Variants in TENM3 observed in about 807,000 individuals in gnomAD.
TENM3 encodes teneurin-3.
Under a neutral mutation model 255.1 loss-of-function variants are expected in TENM3, and 63 were observed. The observed-to-expected ratio is 0.25, with a 90% CI of 0.20 to 0.30. TENM3 has a LOEUF of 0.30. Among genes scored for constraint, TENM3 ranks in the 10% least tolerant of loss-of-function variants. TENM3 has a pLI of 1.00. For missense variants in TENM3, 2,929 were observed against 3,461.1 expected (o/e 0.85, Z 3.86); for synonymous variants, 1,306 against 1,322.3 (o/e 0.99, Z 0.27).
chr4:182,744,690 T>G (rs537886945), intron 19 of TENM3, among the ~76,000 whole-genome samples: 7 of 152,328 alleles, frequency 4.6e-5, no homozygotes, highest in African/African-American at 1.7e-4. Flanking sequence ...GCTTAATTAT[T>G]AGCTTCCCGT....
the TENM3 span, among the ~76,000 whole-genome samples, chr4:182,015,550 T>TTTTATTTATTTATTTA: frequency 4.7e-4 from 71 of 150,102 alleles, 1 homozygote; most frequent in Admixed American, 3.2e-3. Context: ...TGATTTTAAT[T>TTTTATTTATTTATTTA]TTTATTTATT....
chr4:182,784,168 T>C (rs1018871172), intron 24 of TENM3, among the ~76,000 whole-genome samples: 8 of 152,196 alleles, frequency 5.3e-5, no homozygotes, highest in African/African-American at 1.9e-4. Flanking sequence ...TTCTGTTTTT[T>C]CCCCATCTTT....
At chr4:182,529,456 C>T (rs1739554726) in intron 3 of TENM3, among the ~76,000 whole-genome samples, 1 of 152,128 alleles carries the variant, frequency 6.6e-6, no homozygotes, top group Non-Finnish European at 1.5e-5. Context: ...GGCCTTTTCT[C>T]TCTGCTTTGC....
the TENM3 span, among the ~76,000 whole-genome samples, chr4:181,646,296 G>C: frequency 6.6e-6 from 1 of 152,124 alleles, no homozygotes; most frequent in Non-Finnish European, 1.5e-5. Context: ...CTATATGAAG[G>C]ACACAGAAAT....
chr4:182,077,223 C>A, the TENM3 span, among the ~76,000 whole-genome samples: 2 of 152,114 alleles, frequency 1.3e-5, no homozygotes, highest in Non-Finnish European at 2.9e-5. Flanking sequence ...AGTTCATTGT[C>A]TTGTACTGCC....
intron 5 of TENM3, among the ~76,000 whole-genome samples, chr4:182,644,568 G>A (rs1752576099): frequency 6.6e-6 from 1 of 152,062 alleles, no homozygotes; most frequent in Non-Finnish European, 1.5e-5. Flanking sequence ...AAAATAAAAG[G>A]AATGCATGCT....
intron 3 of TENM3, among the ~76,000 whole-genome samples, chr4:182,571,761 G>T (rs954864451): frequency 6.6e-6 from 1 of 152,120 alleles, no homozygotes; most frequent in Non-Finnish European, 1.5e-5. Flanking sequence ...AGCACTTTAA[G>T]AATGTAGATT....
chr4:181,705,640 G>A, the TENM3 span, among the ~76,000 whole-genome samples: 1 of 152,148 alleles, frequency 6.6e-6, no homozygotes. Context: ...GCTAATCCAT[G>A]CTGGGCTTAA....
chr4:182,680,194 C>A, intron 8 of TENM3, 54 bp from the exon 9 acceptor site: 1 of 1,284,356 alleles, frequency 7.8e-7, no homozygotes, highest in Non-Finnish European at 1.1e-6. Context: ...TACCGTTTAT[C>A]TTTTGCAAGA....
At chr4:181,745,316 A>G in the TENM3 span, among the ~76,000 whole-genome samples, 1 of 152,288 alleles carries the variant, frequency 6.6e-6, no homozygotes, top group East Asian at 1.9e-4. Flanking sequence ...AAGAGAATAG[A>G]GGAGAGAAAT....
the TENM3 span, among the ~76,000 whole-genome samples, chr4:182,016,668 G>A: frequency 1.3e-5 from 2 of 152,074 alleles, no homozygotes; most frequent in Non-Finnish European, 2.9e-5. Flanking sequence ...ATAGGTGATT[G>A]GGTCCAAAAT....
At chr4:182,373,461 G>A (rs56776393) in intron 3 of TENM3, among the ~76,000 whole-genome samples, 160 of 152,308 alleles carry the variant, frequency 1.1e-3, no homozygotes, top group African/African-American at 3.3e-3. Context: ...GCTTTTACTC[G>A]TGGAGGACGG....
chr4:182,442,041 T>C (rs1772532044), intron 3 of TENM3, among the ~76,000 whole-genome samples: 2 of 152,100 alleles, frequency 1.3e-5, no homozygotes, highest in Non-Finnish European at 2.9e-5. Context: ...CTATTCTTGG[T>C]GAATCAGGCA....
In TENM3 at chr4:182,175,318, T is replaced by A. The variant is rs1010517492; in HGVS notation, c.-76+30564T>A. Among the ~76,000 whole-genome samples the A allele has an allele frequency of 3.2e-3, 360 of 113,276 alleles. 1 individual carries two copies. The highest frequency in any genetic ancestry group is 0.011 in the African/African-American group (280 of 26,652). The allele number at this position is 113,276 out of a possible 152,430, so 74.3% of individuals were successfully genotyped here. On this transcript the variant is annotated intron_variant, in intron 1 of 2. Transcript: ENST00000512480. ...CTGCTTCATTAAAAAAAAAAAAATATATATATATATATATATACACACAAG... is the reference window on the plus strand; with the variant it reads ...CTGCTTCATTAAAAAAAAAAAAATAAATATATATATATATATACACACAAG...
At chr4:181,604,248 G>C in the TENM3 span, among the ~76,000 whole-genome samples, 28 of 152,286 alleles carry the variant, frequency 1.8e-4, no homozygotes, top group Admixed American at 4.6e-4. Context: ...CTGGGCGACA[G>C]AGCGAGACTC....
At chr4:181,853,176 T>C in the TENM3 span, among the ~76,000 whole-genome samples, 1 of 152,212 alleles carries the variant, frequency 6.6e-6, no homozygotes, top group Non-Finnish European at 1.5e-5. Flanking sequence ...ATTTTATTGA[T>C]TATTTGATCT....
chr4:182,386,743 CCGG>C (rs1767957869), intron 3 of TENM3, among the ~76,000 whole-genome samples: 1 of 152,246 alleles, frequency 6.6e-6, no homozygotes, highest in Non-Finnish European at 1.5e-5. Flanking sequence ...TGCCAGCCCA[CCGG>C]CGCTGCTCTC....
the TENM3 span, among the ~76,000 whole-genome samples, chr4:181,513,797 G>A: frequency 1.3e-5 from 2 of 152,080 alleles, no homozygotes; most frequent in East Asian, 1.9e-4. Flanking sequence ...CCCTGTAATC[G>A]TTCCTGAAGT....
At chr4:182,484,086 T>C (rs1658140950) in intron 3 of TENM3, among the ~76,000 whole-genome samples, 1 of 152,156 alleles carries the variant, frequency 6.6e-6, no homozygotes, top group Non-Finnish European at 1.5e-5. Context: ...ATTTCTAGCA[T>C]TTATGACAAT....
Sources: allele counts gnomAD v4.1 joint callset (sites outside exome capture counted in the v4.1 genomes callset), GRCh38; gene constraint gnomAD v4.1.1; transcripts MANE v1.5; gene names NCBI Gene and HGNC (gene_info 2026-07-23, HGNC 2026-07-21).